The following KIT variants were observed in gnomAD, a reference collection of about 807,000 sequenced individuals.
KIT encodes the protein KIT proto-oncogene, receptor tyrosine kinase.
Under a neutral mutation model 105.7 loss-of-function variants are expected in KIT, and 16 were observed. The observed-to-expected ratio is 0.15, with a 90% CI of 0.10 to 0.23. The LOEUF (loss-of-function observed/expected upper bound fraction) is 0.23. Among genes scored for constraint, KIT ranks in the 10% least tolerant of loss-of-function variants. KIT has a pLI of 1.00. For missense variants in KIT, 858 were observed against 1,213.8 expected (o/e 0.71, Z 4.36); for synonymous variants, 438 against 441.1 (o/e 0.99, Z 0.09).
chr4:54,703,653 T>C, intron 4 of KIT, 71 bp from the exon 5 acceptor site: 1 of 1,294,504 alleles, frequency 7.7e-7, no homozygotes, highest in Non-Finnish European at 1.1e-6. Context: ...TTTTAATTTA[T>C]CTAGGAAAGA....
At chr4:54,682,783 G>A (rs1200275686) in intron 1 of KIT, among the ~76,000 whole-genome samples, 2 of 141,862 alleles carry the variant, frequency 1.4e-5, no homozygotes, top group Admixed American at 1.5e-4. Context: ...ACAGAGTCTC[G>A]CCCCGTCACC....
Position 54,738,513 on chromosome 4 carries a change from A to G in KIT, c.2887A>G (p.Thr963Ala), listed in dbSNP as rs773709702. The change falls in exon 21 of 21, where the codon ACC (threonine) becomes GCC (alanine). Residue 963 changes from threonine (T) to alanine (A), a missense_variant. By Grantham distance (58) the Thr-to-Ala change is moderately conservative. Transcript: ENST00000288135. Reference protein sequence around the residue: ...HSVRINSVGSTASSSQPLLVH... With the variant: ...HSVRINSVGSAASSSQPLLVH... ...TGTGCGGATCAATTCTGTCGGCAGC[A>G]CCGCTTCCTCCTCCCAGCCTCTGCT... 1.1e-5 allele frequency: 18 copies of G among 1,614,076 alleles called. 1 individual carries two copies. In the Middle Eastern group the frequency reaches 9.9e-4, roughly 89 times the overall value.
At chr4:54,686,296 A>G (rs1281647899) in intron 1 of KIT, among the ~76,000 whole-genome samples, 1 of 152,240 alleles carries the variant, frequency 6.6e-6, no homozygotes, top group Non-Finnish European at 1.5e-5. Context: ...TTTAAATGGT[A>G]TAGTGCTATT....
intron 7 of KIT, among the ~76,000 whole-genome samples, chr4:54,717,836 T>C (rs1286876745): frequency 6.6e-6 from 1 of 152,068 alleles, no homozygotes; most frequent in Non-Finnish European, 1.5e-5. Context: ...AAAGAGGCTT[T>C]TGTCCCATGC....
At chr4:54,715,160 G>GAT (rs1721398746) in intron 7 of KIT, among the ~76,000 whole-genome samples, 2 of 152,058 alleles carry the variant, frequency 1.3e-5, no homozygotes, top group Non-Finnish European at 2.9e-5. Context: ...CCCAGAATAA[G>GAT]GCTTCTCGAT....
rs1020222899 is a variant in KIT, at chr4:54,695,705, A to G, written c.261A>G (p.Ala87=). The G allele has an allele frequency of 6.2e-7, 1 of 1,614,270 alleles. No individual in the cohort carries two copies. Among genetic ancestry groups the G allele is most frequent in the Non-Finnish European group, 8.5e-7 (1 of 1,180,052 alleles). The change falls in exon 2 of 21, where the codon GCA becomes GCG. Residue 87 remains alanine, a synonymous_variant. Transcript: ENST00000288135. ...NKQNEWITEK[A]EATNTGKYTC... Reference sequence around the variant, plus strand: ...AGAATGAATGGATCACGGAAAAGGCAGAAGCCACCAACACCGGCAAATACA... The same window carrying G: ...AGAATGAATGGATCACGGAAAAGGCGGAAGCCACCAACACCGGCAAATACA...
At chr4:54,704,026 A>C (rs565590554) in intron 5 of KIT, 134 bp downstream of exon 5, 1 of 842,972 alleles carries the variant, frequency 1.2e-6, no homozygotes, top group African/African-American at 1.7e-5. Flanking sequence ...AATGAAAATT[A>C]TCCTTGTAGC....
chr4:54,711,215 A>G (rs1363117924), intron 7 of KIT, among the ~76,000 whole-genome samples: 2 of 152,206 alleles, frequency 1.3e-5, no homozygotes, highest in African/African-American at 4.8e-5. Context: ...GTCTTATTTG[A>G]TGCTACAGCT....
At chr4:54,716,102 T>G (rs188519236) in intron 7 of KIT, among the ~76,000 whole-genome samples, 2 of 152,376 alleles carry the variant, frequency 1.3e-5, no homozygotes, top group Non-Finnish European at 2.9e-5. Context: ...GGCCACAAAT[T>G]TGAAGACTTG....
intron 1 of KIT, among the ~76,000 whole-genome samples, chr4:54,671,481 A>C (rs3796767): frequency 0.12 from 18,969 of 152,194 alleles, 1,985 homozygotes; most frequent in African/African-American, 0.29. Flanking sequence ...AATTAGCAGC[A>C]TTAGGTCTAT....
At chr4:54,703,462 A>C (rs1443545161) in intron 4 of KIT, among the ~76,000 whole-genome samples, 1 of 152,182 alleles carries the variant, frequency 6.6e-6, no homozygotes, top group Non-Finnish European at 1.5e-5. Context: ...AGAATTTGGA[A>C]TTATACATAC....
At position 54,736,509 on chromosome 4, in the gene KIT, T is replaced by C. The variant is rs773354518; in HGVS notation, c.2496T>C (p.Pro832=). The C allele has an allele frequency of 6.2e-7, 1 of 1,612,938 alleles. No homozygotes were observed. Among genetic ancestry groups the C allele is most frequent in the Non-Finnish European group, 8.5e-7 (1 of 1,178,884 alleles). Residue 832 remains proline, a synonymous_variant, in exon 18 of 21, where the codon CCT becomes CCC. Transcript: ENST00000288135. ...TGCTTCTATTACAGGCTCGACTACCTGTGAAGTGGATGGCACCTGAAAGCA... is the reference window on the plus strand; with the variant it reads ...TGCTTCTATTACAGGCTCGACTACCCGTGAAGTGGATGGCACCTGAAAGCA... The part of the protein sequence containing the change: ...NYVVKGNARL[P]VKWMAPESIF...
Position 54,738,737 on chromosome 4 carries a change from T to C in KIT, c.*180T>C, listed in dbSNP as rs1723075284. ...TTTTTGTCATCAGCCACCATCCTAT[T>C]GCAAAGGTTCCAACTGTATATATTC... On this transcript the variant is annotated 3_prime_UTR_variant, in exon 21 of 21. Transcript: ENST00000288135. 4 of 747,998 alleles carry C rather than the reference T, an allele frequency of 5.3e-6. No individual in the cohort carries two copies. Among genetic ancestry groups the C allele is most frequent in the Non-Finnish European group, 9.3e-6 (4 of 427,946 alleles). The allele number at this position is 747,998 out of a possible 1,614,324, so 46.3% of individuals were successfully genotyped here.
intron 1 of KIT, among the ~76,000 whole-genome samples, chr4:54,673,306 C>A (rs1420215521): frequency 1.3e-5 from 2 of 152,154 alleles, no homozygotes. Context: ...TATTCTGTAT[C>A]TGCCACTTTC....
At chr4:54,729,542 G>T (rs764283878) in intron 14 of KIT, 57 bp downstream of exon 14, 1 of 1,565,136 alleles carries the variant, frequency 6.4e-7, no homozygotes. Flanking sequence ...GGGGTCATAA[G>T]GGTTTGCAAT....
chr4:54,729,205 T>C (rs1722429293), intron 13 of KIT, 130 bp from the exon 14 acceptor site: 1 of 918,598 alleles, frequency 1.1e-6, no homozygotes, highest in South Asian at 1.4e-5. Flanking sequence ...TGGGATTGTA[T>C]TGGGACTAAG....
At chr4:54,701,404 A>G (rs1474172839) in intron 4 of KIT, among the ~76,000 whole-genome samples, 1 of 152,152 alleles carries the variant, frequency 6.6e-6, no homozygotes, top group Non-Finnish European at 1.5e-5. Context: ...TTTTATTCTG[A>G]CCCTTTGGAA....
chr4:54,737,333 GTCC>G, intron 20 of KIT, 53 bp downstream of exon 20: 2 of 1,187,678 alleles, frequency 1.7e-6, no homozygotes, highest in South Asian at 1.2e-5. Context: ...TTCCAGGTGT[GTCC>G]TCCTCCTCAG....
intron 7 of KIT, among the ~76,000 whole-genome samples, chr4:54,710,505 G>T (rs1721078671): frequency 6.6e-6 from 1 of 152,104 alleles, no homozygotes; most frequent in South Asian, 2.1e-4. Context: ...CCAATTCCTT[G>T]TCTTGAAGGA....
Sources: allele counts gnomAD v4.1 joint callset (sites outside exome capture counted in the v4.1 genomes callset), GRCh38; gene constraint gnomAD v4.1.1; transcripts MANE v1.5; gene names NCBI Gene and HGNC (gene_info 2026-07-23, HGNC 2026-07-21).